The following ADAMTS17 variants were observed in gnomAD, a reference collection of about 807,000 sequenced individuals.
ADAMTS17 encodes ADAM metallopeptidase with thrombospondin type 1 motif 17, also known as A disintegrin and metalloproteinase with thrombospondin motifs 17.
ADAMTS17 carries 113 observed loss-of-function variants against 141.5 expected under a neutral mutation model. The ratio of observed to expected loss-of-function variants is 0.80; its 90% CI spans 0.69 to 0.93. ADAMTS17 has a LOEUF of 0.93. Ranked by LOEUF, ADAMTS17 falls within the 40% of genes least tolerant of loss-of-function variation. The pLI, the probability that ADAMTS17 is intolerant of heterozygous loss-of-function variation, is 0.00. For synonymous variants in ADAMTS17, 768 were observed against 630.6 expected (o/e 1.22, Z -3.27); for missense variants, 1,659 against 1,517.9 (o/e 1.09, Z -1.54).
intron 9 of ADAMTS17, among the ~76,000 whole-genome samples, chr15:100,154,251 G>A (rs1221195241): frequency 6.6e-6 from 1 of 152,120 alleles, no homozygotes; most frequent in East Asian, 1.9e-4. Context: ...ATAACATCAA[G>A]GGGCTTACAG....
At chr15:100,267,263 T>C (rs1292719105) in intron 4 of ADAMTS17, among the ~76,000 whole-genome samples, 1 of 152,154 alleles carries the variant, frequency 6.6e-6, no homozygotes, top group East Asian at 1.9e-4. Context: ...TCACTTGGCA[T>C]ACTGTCCTCA....
At chr15:100,319,714 AAAAG>A (rs1186308407) in intron 3 of ADAMTS17, among the ~76,000 whole-genome samples, 4 of 152,134 alleles carry the variant, frequency 2.6e-5, no homozygotes, top group Admixed American at 6.5e-5. Context: ...CATCTCGAGA[AAAAG>A]AAAAGAAATT....
intron 10 of ADAMTS17, among the ~76,000 whole-genome samples, chr15:100,149,149 G>C (rs978291106): frequency 1.3e-5 from 2 of 152,124 alleles, no homozygotes; most frequent in Non-Finnish European, 2.9e-5. Flanking sequence ...CAAAAGCAGG[G>C]AAGGCGCAGA....
rs183418535 is a variant in ADAMTS17 at position 99,985,242 on chromosome 15, C to T, written c.2949+7806G>A. ...ACTGAATTTTGGTCACTGCCTTTCA[C>T]GGGCTGCTCACATTCCTGGGAGTGA... On this transcript the variant is annotated intron_variant, in intron 20 of 21. Coordinates refer to ENST00000268070, the MANE Select transcript of ADAMTS17 (RefSeq NM_139057.4). Among the ~76,000 whole-genome samples the T allele has an allele frequency of 7.2e-5, 11 of 152,352 alleles. No homozygotes were observed. The East Asian group carries it at 1.3e-3, about 19-fold the overall frequency.
At chr15:100,177,853 A>G (rs1218670383) in intron 8 of ADAMTS17, among the ~76,000 whole-genome samples, 1 of 152,104 alleles carries the variant, frequency 6.6e-6, no homozygotes, top group Non-Finnish European at 1.5e-5. Flanking sequence ...TGGTACATAT[A>G]CGTTAAAGGT....
chr15:100,318,073 C>T lies in ADAMTS17; in HGVS notation c.616+12816G>A, dbSNP rs900788093. 2.6e-5 allele frequency among the ~76,000 whole-genome samples: 4 copies of T among 152,112 alleles called. No individual in the cohort carries two copies. The East Asian group carries it at 7.7e-4, about 29-fold the overall frequency. The stretch of plus-strand genomic sequence containing the variant: ...CATTTGCAGGACATGGAAGGGAAGG[C>T]CTCCATCAATGACTGAGGTGACGGG... On this transcript the variant is annotated intron_variant, in intron 3 of 21. Transcript: ENST00000268070.
intron 7 of ADAMTS17, among the ~76,000 whole-genome samples, chr15:100,219,168 T>C (rs1328038912): frequency 6.6e-6 from 1 of 152,192 alleles, no homozygotes; most frequent in African/African-American, 2.4e-5. Flanking sequence ...GCTTAGTGGG[T>C]GACTAGTGCT....
At chr15:100,073,690 A>T (rs2034153457) in intron 15 of ADAMTS17, among the ~76,000 whole-genome samples, 1 of 144,944 alleles carries the variant, frequency 6.9e-6, no homozygotes, top group Admixed American at 7.2e-5. Flanking sequence ...GCATGTTCTC[A>T]CTCATAGGTG....
intron 18 of ADAMTS17, among the ~76,000 whole-genome samples, chr15:100,043,497 C>T (rs2031432232): frequency 6.6e-6 from 1 of 152,192 alleles, no homozygotes; most frequent in Admixed American, 6.5e-5. Context: ...AGCTCTGGCT[C>T]ATGCTGAGAG....
intron 12 of ADAMTS17, chr15:100,128,266 G>C (rs928030047): frequency 1.3e-5 from 2 of 152,194 alleles, no homozygotes; most frequent in Non-Finnish European, 2.9e-5. Flanking sequence ...GCTTCTCACT[G>C]CAGGCCCACA....
chr15:99,974,623 G>C, intron 21 of ADAMTS17, 61 bp from the exon 22 acceptor site: 1 of 1,604,276 alleles, frequency 6.2e-7, no homozygotes, highest in Non-Finnish European at 8.5e-7. Flanking sequence ...TCCTGATGCA[G>C]GCACAGGGAG....
At chr15:100,134,151 ACT>A (rs1474605806) in intron 10 of ADAMTS17, among the ~76,000 whole-genome samples, 3 of 152,054 alleles carry the variant, frequency 2.0e-5, no homozygotes, top group Non-Finnish European at 2.9e-5. Flanking sequence ...GGAGCTGGTA[ACT>A]CCCCACCCGC....
intron 7 of ADAMTS17, among the ~76,000 whole-genome samples, chr15:100,206,666 AT>A (rs1457051645): frequency 6.6e-6 from 1 of 152,146 alleles, no homozygotes; most frequent in African/African-American, 2.4e-5. Flanking sequence ...GAAGTGTGGT[AT>A]GTTTTGGCTA....
chr15:100,203,300 C>T (rs1339498343), intron 7 of ADAMTS17, among the ~76,000 whole-genome samples: 6 of 152,152 alleles, frequency 3.9e-5, no homozygotes, highest in South Asian at 2.1e-4. Flanking sequence ...GGGCCAGGTG[C>T]GGTGGCTCAT....
At chr15:99,992,882 A>G (rs983033389) in intron 20 of ADAMTS17, among the ~76,000 whole-genome samples, 166 bp downstream of exon 20, 5 of 152,188 alleles carry the variant, frequency 3.3e-5, no homozygotes, top group Non-Finnish European at 5.9e-5. Context: ...GCAGGGGAGG[A>G]AGCACACGGG....
intron 7 of ADAMTS17, among the ~76,000 whole-genome samples, chr15:100,223,597 T>A (rs2042202448): frequency 6.6e-6 from 1 of 152,036 alleles, no homozygotes; most frequent in African/African-American, 2.4e-5. Context: ...GTGACTCTTG[T>A]CCTGGTGGCC....
rs2039800842 is a variant in ADAMTS17 at position 100,163,036 on chromosome 15, GTGTATATATA to G, written c.1182-7726_1182-7717del. 6.4e-5 allele frequency among the ~76,000 whole-genome samples: 9 copies of G among 141,380 alleles called. No individual in the cohort carries two copies. The South Asian group carries it at 1.8e-3, about 29-fold the overall frequency. The allele number at this position is 141,380 out of a possible 152,430, so 92.8% of individuals were successfully genotyped here. ...TATATAACTATATATGTATATATAT[GTGTATATATA>G]ACTATATATGTATATATATGTGTAT... On this transcript the variant is annotated intron_variant, in intron 8 of 21. Coordinates refer to ENST00000268070, the MANE Select transcript of ADAMTS17 (RefSeq NM_139057.4).
At chr15:100,276,843 G>T (rs529939131) in intron 4 of ADAMTS17, among the ~76,000 whole-genome samples, 5 of 152,142 alleles carry the variant, frequency 3.3e-5, no homozygotes, top group Non-Finnish European at 5.9e-5. Flanking sequence ...TAAAACAGCC[G>T]CAGGCAGGAA....
At chr15:100,160,015 C>T (rs1198812112) in intron 8 of ADAMTS17, among the ~76,000 whole-genome samples, 1 of 152,040 alleles carries the variant, frequency 6.6e-6, no homozygotes, top group Non-Finnish European at 1.5e-5. Flanking sequence ...GTCACTGCCC[C>T]TCAAATACCC....
Sources: allele counts gnomAD v4.1 joint callset (sites outside exome capture counted in the v4.1 genomes callset), GRCh38; gene constraint gnomAD v4.1.1; transcripts MANE v1.5; gene names NCBI Gene and HGNC (gene_info 2026-07-23, HGNC 2026-07-21).